The following SGCD variants were observed in gnomAD, a reference collection of about 807,000 sequenced individuals.
SGCD encodes the protein delta-sarcoglycan.
SGCD carries 18 observed loss-of-function variants against 36.6 expected under a neutral mutation model. The ratio of observed to expected loss-of-function variants is 0.49; its 90% CI spans 0.34 to 0.73. The LOEUF (loss-of-function observed/expected upper bound fraction) is 0.73, where lower values mean the gene tolerates loss of function less well. Ranked by LOEUF, SGCD falls within the 30% of genes least tolerant of loss-of-function variation. The probability of loss-of-function intolerance (pLI) is 0.01; values close to 1 mark genes in which losing one functional copy is unlikely to be tolerated. For missense variants in SGCD, 387 were observed against 346.7 expected, an observed-to-expected ratio of 1.12 and a Z score of -0.92; for synonymous variants, 133 against 130.6, an observed-to-expected ratio of 1.02 and a Z score of -0.12.
rs369089675 is a variant in SGCD, at chr5:156,222,966, C to A, written c.-44+98947C>A. Among the ~76,000 whole-genome samples, 20 of 152,168 alleles carry A rather than the reference C, an allele frequency of 1.3e-4. No individual in the cohort carries two copies. The South Asian group carries it at 3.1e-3, about 24-fold the overall frequency. On this transcript the variant is annotated intron_variant, in intron 3 of 9. Coordinates refer to the SGCD transcript ENST00000517913. ...CTCCCACCTTGGTGATTCTTATGCA[C>A]CTCCCTGGTACATTGACCTCCCCCT...
At chr5:155,918,998 G>C (rs1248675474) in intron 1 of SGCD, among the ~76,000 whole-genome samples, 1 of 152,220 alleles carries the variant, frequency 6.6e-6, no homozygotes, top group African/African-American at 2.4e-5. Flanking sequence ...TGATTGATAT[G>C]CATTGTTTCC....
At chr5:155,900,707 T>A (rs1443406715) in intron 1 of SGCD, among the ~76,000 whole-genome samples, 1 of 152,142 alleles carries the variant, frequency 6.6e-6, no homozygotes, top group African/African-American at 2.4e-5. Context: ...TAGTAAGAAT[T>A]CTCAAAATGC....
chr5:155,863,081 G>A, the SGCD span, among the ~76,000 whole-genome samples: 1 of 152,188 alleles, frequency 6.6e-6, no homozygotes, highest in Non-Finnish European at 1.5e-5. Flanking sequence ...GTATCTTGGA[G>A]TGGATGCTTG....
chr5:156,149,341 C>A (rs563948740), intron 3 of SGCD, among the ~76,000 whole-genome samples: 71 of 152,290 alleles, frequency 4.7e-4, no homozygotes, highest in African/African-American at 1.6e-3. Context: ...CTATCAAATA[C>A]TGGCTGTTAT....
chr5:156,261,703 T>C (rs191566872), intron 3 of SGCD, among the ~76,000 whole-genome samples: 193 of 152,310 alleles, frequency 1.3e-3, no homozygotes, highest in African/African-American at 3.8e-3. Flanking sequence ...ATTGTTATCC[T>C]AGGAGATGAC....
chr5:155,779,455 G>T, the SGCD span, among the ~76,000 whole-genome samples: 1 of 151,994 alleles, frequency 6.6e-6, no homozygotes, highest in Non-Finnish European at 1.5e-5. Context: ...CAAAAAAAAT[G>T]ATTTTATTCA....
intron 3 of SGCD, among the ~76,000 whole-genome samples, chr5:156,218,600 G>A (rs920362411): frequency 1.3e-5 from 2 of 152,096 alleles, no homozygotes; most frequent in Non-Finnish European, 2.9e-5. Context: ...TTGAGGGCTT[G>A]ATGAGGCTGG....
intron 1 of SGCD, among the ~76,000 whole-genome samples, chr5:155,966,934 CATGTGTGTGTGTGTGTGTGTGTGT>C (rs1053034401): frequency 7.9e-6 from 1 of 126,270 alleles, no homozygotes; most frequent in African/African-American, 3.2e-5. Flanking sequence ...TATAGGTTTT[CATGTGTGTGTGTGTGTGTGTGTGT>C]ATGTGTGTGT....
intron 4 of SGCD, among the ~76,000 whole-genome samples, chr5:156,572,525 A>G (rs1759765317): frequency 6.6e-6 from 1 of 152,084 alleles, no homozygotes; most frequent in Non-Finnish European, 1.5e-5. Flanking sequence ...TGTTAGCCTA[A>G]CATTGCTGTG....
intron 1 of SGCD, among the ~76,000 whole-genome samples, chr5:156,019,828 G>A (rs1047986643): frequency 1.3e-5 from 2 of 151,966 alleles, no homozygotes; most frequent in African/African-American, 2.4e-5. Flanking sequence ...ACTAATCTTC[G>A]GCAACTTTTC....
At chr5:156,750,048 A>G (rs570551463) in intron 7 of SGCD, among the ~76,000 whole-genome samples, 1 of 152,196 alleles carries the variant, frequency 6.6e-6, no homozygotes, top group South Asian at 2.1e-4. Context: ...ACACAGGAGT[A>G]GATAGTTATT....
At chr5:156,601,063 A>G (rs2113412112) in intron 6 of SGCD, among the ~76,000 whole-genome samples, 1 of 152,300 alleles carries the variant, frequency 6.6e-6, no homozygotes, top group South Asian at 2.1e-4. Flanking sequence ...TGTCAGATGT[A>G]TAGTTTGTCA....
chr5:156,402,175 C>A (rs1018428143), intron 3 of SGCD, among the ~76,000 whole-genome samples: 33 of 152,220 alleles, frequency 2.2e-4, no homozygotes, highest in African/African-American at 7.2e-4. Context: ...TATCAATGGA[C>A]ATTTAGCTGT....
chr5:156,636,677 C>T (rs959820865), intron 6 of SGCD, among the ~76,000 whole-genome samples: 2 of 152,084 alleles, frequency 1.3e-5, no homozygotes, highest in African/African-American at 4.8e-5. Flanking sequence ...ACACTGTAAG[C>T]AAAGGCAAGG....
chr5:155,853,370 G>A, the SGCD span, among the ~76,000 whole-genome samples: 1 of 151,874 alleles, frequency 6.6e-6, no homozygotes, highest in Non-Finnish European at 1.5e-5. Flanking sequence ...GTTTCTTGAT[G>A]GGTTTTGTAG....
chr5:156,037,665 T>C (rs1759532263), intron 1 of SGCD, among the ~76,000 whole-genome samples: 2 of 152,162 alleles, frequency 1.3e-5, no homozygotes, highest in South Asian at 4.1e-4. Context: ...GTCTACAAGA[T>C]AAAAGATAAT....
At chr5:156,173,290 C>A (rs530377519) in intron 3 of SGCD, among the ~76,000 whole-genome samples, 1 of 152,114 alleles carries the variant, frequency 6.6e-6, no homozygotes, top group South Asian at 2.1e-4. Context: ...CCAAAAAGAT[C>A]ATTTCCTGGT....
the SGCD span, among the ~76,000 whole-genome samples, chr5:155,846,992 AAATATG>A: frequency 1.3e-5 from 2 of 152,226 alleles, no homozygotes; most frequent in Non-Finnish European, 2.9e-5. Context: ...GTGTGCTTAA[AAATATG>A]AAGTATATGA....
At chr5:155,840,971 A>G in the SGCD span, among the ~76,000 whole-genome samples, 1 of 143,442 alleles carries the variant, frequency 7.0e-6, no homozygotes, top group Non-Finnish European at 1.5e-5. Context: ...AGATCGCACC[A>G]CTATACTCCA....
Sources: allele counts gnomAD v4.1 joint callset (sites outside exome capture counted in the v4.1 genomes callset), GRCh38; gene constraint gnomAD v4.1.1; transcripts MANE v1.5; gene names NCBI Gene and HGNC (gene_info 2026-07-23, HGNC 2026-07-21).